Variants in TMEM266 observed in about 807,000 individuals in gnomAD.
The protein encoded by TMEM266 is transmembrane protein 266, also known as Hv1 related protein 1.
Under a neutral mutation model 50.5 loss-of-function variants are expected in TMEM266, and 33 were observed. The ratio of observed to expected loss-of-function variants is 0.65; its 90% confidence interval spans 0.50 to 0.87. The LOEUF (loss-of-function observed/expected upper bound fraction) is 0.87. Among genes scored for constraint, TMEM266 ranks in the 40% least tolerant of loss-of-function variants. The pLI, the probability that TMEM266 is intolerant of heterozygous loss-of-function variation, is 0.00. For synonymous variants in TMEM266, 310 were observed against 292.3 expected, an observed-to-expected ratio of 1.06 and a Z score of -0.62; for missense variants, 655 against 695.1, an observed-to-expected ratio of 0.94 and a Z score of 0.65.
chr15:76,198,880 C>T lies in TMEM266; in HGVS notation c.959-3322C>T, dbSNP rs77752391. ...CAGGCCAGCCTGGCTCTCAGACTCACGCCTTAAAGCTCACTCCAAGGCCCT... is the reference window on the plus strand; with the variant it reads ...CAGGCCAGCCTGGCTCTCAGACTCATGCCTTAAAGCTCACTCCAAGGCCCT... On this transcript the variant is annotated intron_variant, in intron 9 of 10. Coordinates refer to ENST00000388942, the MANE Select transcript of TMEM266 (RefSeq NM_152335.3). Among the ~76,000 whole-genome samples, 1,024 of 152,388 alleles carry T rather than the reference C, an allele frequency of 6.7e-3. 8 individuals carry two copies. The highest frequency in any genetic ancestry group is 0.023 in the African/African-American group (977 of 41,580).
intron 1 of TMEM266, among the ~76,000 whole-genome samples, chr15:76,108,316 G>A (rs28572177): frequency 0.012 from 1,810 of 152,336 alleles, 26 homozygotes; most frequent in African/African-American, 0.042. Context: ...CAGCCAGTCA[G>A]CAGCCTTCCA....
At chr15:76,154,805 C>A (rs2037899858) in intron 3 of TMEM266, among the ~76,000 whole-genome samples, 1 of 152,172 alleles carries the variant, frequency 6.6e-6, no homozygotes, top group Non-Finnish European at 1.5e-5. Flanking sequence ...CAGTGTCCTG[C>A]CAGGTTTCTT....
At chr15:76,202,773 T>TCCATAGCCC (rs2038769037) in intron 10 of TMEM266, among the ~76,000 whole-genome samples, 1 of 152,198 alleles carries the variant, frequency 6.6e-6, no homozygotes, top group African/African-American at 2.4e-5. Context: ...GTCTCGTTTC[T>TCCATAGCCC]CCATAGCCCC....
chr15:76,146,794 C>G (rs2935968), intron 3 of TMEM266, among the ~76,000 whole-genome samples: 78,280 of 152,070 alleles, frequency 0.51, 20,935 homozygotes, highest in East Asian at 0.63. Flanking sequence ...AAAGTCTTCT[C>G]TCCTCTAACC....
At chr15:76,175,842 A>T (rs573672151) in intron 8 of TMEM266, 168 bp downstream of exon 8, 30 of 573,116 alleles carry the variant, frequency 5.2e-5, no homozygotes, top group African/African-American at 4.9e-4. Context: ...ACACATCTCC[A>T]GGTTCACTGA....
intron 1 of TMEM266, among the ~76,000 whole-genome samples, chr15:76,120,923 GA>G (rs2037333865): frequency 6.6e-6 from 1 of 152,046 alleles, no homozygotes; most frequent in Admixed American, 6.6e-5. Flanking sequence ...TGAATTTCAT[GA>G]TAATCAATTT....
At chr15:76,173,049 C>A (rs1341193630) in intron 7 of TMEM266, among the ~76,000 whole-genome samples, 1 of 152,134 alleles carries the variant, frequency 6.6e-6, no homozygotes, top group Non-Finnish European at 1.5e-5. Context: ...TGCTGGTGAA[C>A]AGATGGGCGT....
chr15:76,189,514 G>A (rs997668291), intron 8 of TMEM266, among the ~76,000 whole-genome samples: 1 of 152,196 alleles, frequency 6.6e-6, no homozygotes, highest in Admixed American at 6.5e-5. Context: ...AGTGGGGCAT[G>A]TGTCACTAAA....
chr15:76,131,298 C>T (rs923120809), intron 1 of TMEM266, among the ~76,000 whole-genome samples: 2 of 152,158 alleles, frequency 1.3e-5, no homozygotes. Flanking sequence ...ACCCAGGAGG[C>T]GGAGGTTGCA....
chr15:76,107,094 A>G (rs2037093527), intron 1 of TMEM266, among the ~76,000 whole-genome samples: 1 of 152,252 alleles, frequency 6.6e-6, no homozygotes, highest in Admixed American at 6.5e-5. Flanking sequence ...CATGTATGCC[A>G]TTTAAAATTT....
chr15:76,175,270 A>C (rs932451910), intron 7 of TMEM266: 2 of 300,384 alleles, frequency 6.7e-6, no homozygotes, highest in East Asian at 1.8e-4. Context: ...CCATAGCTGC[A>C]AAGGAGGCTG....
chr15:76,131,883 C>T (rs1277291242), intron 1 of TMEM266, among the ~76,000 whole-genome samples: 2 of 152,284 alleles, frequency 1.3e-5, no homozygotes, highest in East Asian at 3.9e-4. Context: ...CTGTTAATTC[C>T]AGTTGCTCTA....
At chr15:76,102,840 CAAAA>C (rs576336505) in intron 1 of TMEM266, among the ~76,000 whole-genome samples, 1 of 48,412 alleles carries the variant, frequency 2.1e-5, no homozygotes, top group African/African-American at 6.9e-5. Flanking sequence ...CCCTTATCTC[CAAAA>C]AAAAAAAAAA....
At chr15:76,063,669 CT>C (rs1178494929) in intron 1 of TMEM266, among the ~76,000 whole-genome samples, 2 of 152,334 alleles carry the variant, frequency 1.3e-5, no homozygotes, top group Admixed American at 6.5e-5. Context: ...TATTGCCCAT[CT>C]CCCCCATGGA....
intron 8 of TMEM266, among the ~76,000 whole-genome samples, chr15:76,190,608 G>T (rs921754777): frequency 6.6e-6 from 1 of 152,054 alleles, no homozygotes; most frequent in Non-Finnish European, 1.5e-5. Flanking sequence ...TGGGGTGGGG[G>T]AAAGGGAGGA....
intron 1 of TMEM266, among the ~76,000 whole-genome samples, chr15:76,106,486 C>T (rs1249522291): frequency 6.6e-6 from 1 of 152,150 alleles, no homozygotes; most frequent in Non-Finnish European, 1.5e-5. Flanking sequence ...TCACCCAGAG[C>T]TGGAGTGCAG....
rs982309409 is a variant in TMEM266 at position 76,139,705 on chromosome 15, C to T, written c.227+1810C>T. Among the ~76,000 whole-genome samples, 1 of 152,246 alleles carries T rather than the reference C, an allele frequency of 6.6e-6. No individual in the cohort carries two copies. Among genetic ancestry groups the T allele is most frequent in the African/African-American group, 2.4e-5 (1 of 41,472 alleles). On this transcript the variant is annotated intron_variant, in intron 3 of 10. Transcript: ENST00000388942. The surrounding 1 kb of genome is among the most constrained non-coding windows in gnomAD (Gnocchi z 4.1). ...AGCAGTAGTGCAGCCTTCTAACATG[C>T]CCTAGCTATTTCGGAGAATTCATTT...
At chr15:76,133,383 C>G (rs1391010112) in intron 1 of TMEM266, among the ~76,000 whole-genome samples, 1 of 152,122 alleles carries the variant, frequency 6.6e-6, no homozygotes, top group Non-Finnish European at 1.5e-5. Flanking sequence ...TTGCAGTGAG[C>G]TGATATCATG....
chr15:76,148,622 A>G (rs2037791711), intron 3 of TMEM266, among the ~76,000 whole-genome samples: 1 of 152,174 alleles, frequency 6.6e-6, no homozygotes, highest in South Asian at 2.1e-4. Context: ...ATGTGTGGTC[A>G]GTGTCCTTTG....
Sources: gnomAD v4.1 joint callset for allele counts (sites outside exome capture counted in the v4.1 genomes callset) on GRCh38, gnomAD v4.1.1 for gene constraint, Gnocchi (gnomAD v3.1) non-coding constraint, MANE v1.5 for transcripts, NCBI Gene and HGNC (gene_info 2026-07-23, HGNC 2026-07-21) for gene names.